MON2: variants seen among roughly 807,000 people sequenced by gnomAD.
The protein encoded by MON2 is MON2 regulator of endosome-to-Golgi trafficking, also known as protein MON2 homolog.
A neutral mutation model predicts 208.6 loss-of-function variants in MON2; 84 were observed. The observed-to-expected ratio is 0.40, with a 90% CI of 0.34 to 0.48. MON2 has a LOEUF of 0.48. Among genes scored for constraint, MON2 ranks in the 20% least tolerant of loss-of-function variants. The probability of loss-of-function intolerance (pLI) is 0.59; values close to 1 mark genes in which losing one functional copy is unlikely to be tolerated. For synonymous variants in MON2, 660 were observed against 694.0 expected (o/e 0.95, Z 0.77); for missense variants, 1,611 against 2,015.4 (o/e 0.80, Z 3.84).
intron 8 of MON2, among the ~76,000 whole-genome samples, chr12:62,524,071 A>G (rs113630639): frequency 3.9e-5 from 6 of 152,240 alleles, no homozygotes; most frequent in African/African-American, 1.4e-4. Flanking sequence ...TTTCTACTAT[A>G]AAATTTATAC....
intron 12 of MON2, among the ~76,000 whole-genome samples, chr12:62,533,790 A>G (rs903316278): frequency 6.6e-6 from 1 of 152,172 alleles, no homozygotes; most frequent in African/African-American, 2.4e-5. Context: ...CCCCACACAC[A>G]AGCACACGTC....
At chr12:62,515,773 C>G (rs543796818) in intron 8 of MON2, among the ~76,000 whole-genome samples, 8 of 151,472 alleles carry the variant, frequency 5.3e-5, no homozygotes, top group Middle Eastern at 3.4e-3. Context: ...CGAGATCACA[C>G]AATTGCACTC....
intron 21 of MON2, among the ~76,000 whole-genome samples, chr12:62,546,690 G>T (rs2136281437): frequency 6.6e-6 from 1 of 152,274 alleles, no homozygotes; most frequent in South Asian, 2.1e-4. Context: ...GGAGACGGAG[G>T]TTGCAGTGAG....
intron 2 of MON2, chr12:62,489,985 C>T: frequency 1.8e-6 from 2 of 1,095,972 alleles, no homozygotes; most frequent in Non-Finnish European, 1.2e-6. Flanking sequence ...TTTATTACAC[C>T]TGTTAATATG....
chr12:62,570,223 A>C (rs1403031832), intron 29 of MON2, among the ~76,000 whole-genome samples: 2 of 152,204 alleles, frequency 1.3e-5, no homozygotes, highest in African/African-American at 4.8e-5. Context: ...CTTAGTCACT[A>C]TATATCTAGT....
intron 9 of MON2, 27 bp downstream of exon 9, chr12:62,524,666 A>G (rs780932495): frequency 6.2e-7 from 1 of 1,605,878 alleles, no homozygotes; most frequent in South Asian, 1.1e-5. Context: ...AGTTTGTTAA[A>G]TAGATAGGTT....
In MON2 at chr12:62,593,365, A is replaced by C. The variant is rs1209574989; in HGVS notation, c.*616A>C. ...TATTAATACAAAATTGTTTGCTTAC[A>C]TTTTTACTTATAATTTGCCTTCATA... is the stretch of plus-strand genomic sequence containing the variant. On this transcript the variant is annotated 3_prime_UTR_variant, in exon 35 of 35. Coordinates refer to ENST00000393630, the MANE Select transcript of MON2 (RefSeq NM_015026.3). 1 of 152,396 alleles carries C rather than the reference A, an allele frequency of 6.6e-6. No homozygotes were observed. The highest frequency in any genetic ancestry group is 1.5e-5 in the Non-Finnish European group (1 of 67,958). 9.4% of individuals were successfully genotyped at this position (152,396 alleles called of 1,614,324 possible).
At chr12:62,508,730 G>A (rs746424304) in intron 8 of MON2, 5 of 386,026 alleles carry the variant, frequency 1.3e-5, no homozygotes, top group African/African-American at 2.0e-5. Context: ...AGGAATTGTC[G>A]TTTTGGAACT....
Position 62,467,135 on chromosome 12 carries a change from T to C in MON2, c.-73T>C. 1 of 1,260,570 alleles carries C rather than the reference T, an allele frequency of 7.9e-7. No homozygotes were observed. The highest frequency in any genetic ancestry group is 1.1e-6 in the Non-Finnish European group (1 of 882,406). The allele number at this position is 1,260,570 out of a possible 1,614,324, so 78.1% of individuals were successfully genotyped here. ...CCAGAGACACCGGGAGGGAGCTGCCTGTGGCCCTAAGGAGCTGACCGTGCC... is the reference window on the plus strand; with the variant it reads ...CCAGAGACACCGGGAGGGAGCTGCCCGTGGCCCTAAGGAGCTGACCGTGCC... On this transcript the variant is annotated 5_prime_UTR_variant, in exon 1 of 35. Transcript: ENST00000393630.
In MON2 at chr12:62,547,001, T is replaced by A; in HGVS notation, c.2682T>A (p.Ser894Arg). 1 of 1,612,750 alleles carries A rather than the reference T, an allele frequency of 6.2e-7. No individual in the cohort carries two copies. The highest frequency in any genetic ancestry group is 8.5e-7 in the Non-Finnish European group (1 of 1,179,192). The change falls in exon 22 of 35, where the codon AGT becomes AGA. Residue 894 changes from serine (S) to arginine (R), a missense_variant. Coordinates refer to ENST00000393630, the MANE Select transcript of MON2 (RefSeq NM_015026.3). Reference protein sequence around the residue: ...QLECVLQILQSQGDSLGPGWP... With the variant: ...QLECVLQILQRQGDSLGPGWP... ...AATGCGTGTTGCAGATTCTGCAGAG[T>A]CAGGGAGACAGTCTTGGGCCTGGAT...
chr12:62,523,260 C>A (rs144115832), intron 8 of MON2, among the ~76,000 whole-genome samples: 394 of 152,262 alleles, frequency 2.6e-3, no homozygotes, highest in African/African-American at 8.1e-3. Flanking sequence ...ATTTGCATGG[C>A]ACTTTGTCAT....
intron 1 of MON2, among the ~76,000 whole-genome samples, chr12:62,470,321 G>A (rs1001819707): frequency 3.3e-5 from 5 of 152,118 alleles, no homozygotes; most frequent in Admixed American, 1.3e-4. Flanking sequence ...TTTACTTACT[G>A]TCTTTGGACT....
chr12:62,526,629 A>G (rs977701859), intron 11 of MON2, among the ~76,000 whole-genome samples: 3 of 152,124 alleles, frequency 2.0e-5, no homozygotes, highest in African/African-American at 7.2e-5. Flanking sequence ...AATGGATTCC[A>G]TATCTGTTAT....
intron 1 of MON2, 51 bp downstream of exon 1, chr12:62,467,369 G>A (rs1402650970): frequency 2.1e-6 from 3 of 1,416,364 alleles, no homozygotes; most frequent in African/African-American, 1.4e-5. Context: ...GCCTGGTCCT[G>A]TTAGACTCAG....
chr12:62,471,735 C>T (rs1365444239), intron 1 of MON2, among the ~76,000 whole-genome samples: 1 of 152,114 alleles, frequency 6.6e-6, no homozygotes, highest in Admixed American at 6.6e-5. Context: ...GCTGGGCAGA[C>T]TGAGGTTAAA....
At position 62,599,308 on chromosome 12, in the gene MON2, TATG is replaced by T. The variant is rs1191281785; in HGVS notation, c.*6561_*6563del. The T allele has an allele frequency of 6.6e-6, 1 of 152,210 alleles. No homozygotes were observed. The highest frequency in any genetic ancestry group is 1.5e-5 in the Non-Finnish European group (1 of 68,016). 9.4% of individuals were successfully genotyped at this position (152,210 alleles called of 1,614,324 possible). ...GATGTAGATTAGATTATCTTAATCT[TATG>T]AGCATTTTTTTTTAATTTGGTGAAG... is the stretch of plus-strand genomic sequence containing the variant. On this transcript the variant is annotated 3_prime_UTR_variant, in exon 35 of 35. Transcript: ENST00000393630.
intron 8 of MON2, among the ~76,000 whole-genome samples, chr12:62,512,326 G>C (rs575097292): frequency 6.6e-6 from 1 of 152,136 alleles, no homozygotes; most frequent in African/African-American, 2.4e-5. Context: ...AAATCAAAAC[G>C]AGTTAATTAC....
chr12:62,506,728 A>AG (rs1026453583), intron 7 of MON2, among the ~76,000 whole-genome samples: 1 of 151,492 alleles, frequency 6.6e-6, no homozygotes, highest in African/African-American at 2.4e-5. Flanking sequence ...TCCATCTCAA[A>AG]AAAAAAAAAA....
chr12:62,526,147 G>A (rs1385952095), intron 11 of MON2, 45 bp downstream of exon 11: 7 of 1,564,858 alleles, frequency 4.5e-6, no homozygotes, highest in Non-Finnish European at 6.1e-6. Flanking sequence ...TGTTGTTGGG[G>A]GTGATATTTA....
Sources: allele counts gnomAD v4.1 joint callset (sites outside exome capture counted in the v4.1 genomes callset), GRCh38; gene constraint gnomAD v4.1.1; transcripts MANE v1.5; gene names NCBI Gene and HGNC (gene_info 2026-07-23, HGNC 2026-07-21).